KCTD1: variants seen among roughly 807,000 people sequenced by gnomAD.
KCTD1 encodes the protein potassium channel tetramerization domain containing 1.
KCTD1 carries 24 observed loss-of-function variants against 66.0 expected under a neutral mutation model. The observed-to-expected ratio is 0.36, with a 90% confidence interval of 0.26 to 0.51. The LOEUF (loss-of-function observed/expected upper bound fraction) is 0.51, where lower values mean the gene tolerates loss of function less well. Ranked by LOEUF, KCTD1 falls within the 20% of genes least tolerant of loss-of-function variation. The pLI is 0.95. For synonymous variants in KCTD1, 511 were observed against 517.2 expected (o/e 0.99, Z 0.16); for missense variants, 943 against 1,205.2 (o/e 0.78, Z 3.22).
At chr18:26,610,799 T>C (rs1987121678) in intron 1 of KCTD1, among the ~76,000 whole-genome samples, 1 of 152,230 alleles carries the variant, frequency 6.6e-6, no homozygotes, top group Non-Finnish European at 1.5e-5. Flanking sequence ...GGTCTGCTTC[T>C]GGACTCTGAC....
At chr18:26,604,850 T>G (rs894430102) in intron 1 of KCTD1, among the ~76,000 whole-genome samples, 1 of 152,124 alleles carries the variant, frequency 6.6e-6, no homozygotes, top group African/African-American at 2.4e-5. Context: ...AATGAGTTTA[T>G]CTATGTAACA....
chr18:26,476,607 G>A lies in KCTD1; in HGVS notation c.2041C>T (p.Gln681Ter). The change falls in exon 3 of 5, where the codon CAG (glutamine) becomes TAG (stop). Residue 681 changes from glutamine to a stop codon, truncating the protein, a stop_gained. Coordinates refer to ENST00000580059, the MANE Select transcript of KCTD1 (RefSeq NM_001142730.3). LOFTEE classifies it high-confidence loss of function. The surrounding 1 kb of genome is among the most constrained non-coding windows in gnomAD (Gnocchi z 4.9). ...TEPIVLDSLKQHYFIDRDGQM... is the reference protein window; with the variant it reads ...TEPIVLDSLK ...CCATCTCTGTCAATGAAATAGTGCT[G>A]TTTGAGACTGTCCAAAACAATGGGC... The A allele has an allele frequency of 6.2e-7, 1 of 1,613,732 alleles. No homozygotes were observed. The highest frequency in any genetic ancestry group is 1.1e-5 in the South Asian group (1 of 91,000).
intron 2 of KCTD1, among the ~76,000 whole-genome samples, chr18:26,499,017 C>T (rs1982621929): frequency 6.6e-6 from 1 of 152,150 alleles, no homozygotes; most frequent in Non-Finnish European, 1.5e-5. Context: ...GGGAATGAGT[C>T]AGTGGAAGGA....
At chr18:26,519,842 T>C (rs58356101) in intron 1 of KCTD1, among the ~76,000 whole-genome samples, 22,058 of 152,250 alleles carry the variant, frequency 0.14, 2,906 homozygotes, top group African/African-American at 0.35. Context: ...GGAGAGGGAC[T>C]GTGGCTGCTC....
intron 1 of KCTD1, among the ~76,000 whole-genome samples, chr18:26,623,407 G>C (rs1987431957): frequency 1.3e-5 from 2 of 152,152 alleles, no homozygotes; most frequent in South Asian, 4.1e-4. Flanking sequence ...TGTCATGGGA[G>C]GGACTCAGTA....
chr18:26,600,285 A>C (rs1986860819), intron 1 of KCTD1: 2 of 1,606,020 alleles, frequency 1.2e-6, no homozygotes, highest in South Asian at 2.2e-5. Context: ...TTGGGATGCC[A>C]GCCTTCAAAC....
chr18:26,596,891 C>T (rs1598959181), intron 1 of KCTD1, among the ~76,000 whole-genome samples: 3 of 152,282 alleles, frequency 2.0e-5, no homozygotes, highest in East Asian at 1.9e-4. Flanking sequence ...GTTGGAACTG[C>T]TGATGAAAGA....
intron 1 of KCTD1, among the ~76,000 whole-genome samples, chr18:26,636,083 A>C (rs1295787300): frequency 6.6e-6 from 1 of 152,148 alleles, no homozygotes; most frequent in Non-Finnish European, 1.5e-5. Context: ...GACTGAGTTC[A>C]GTCCAACAGC....
chr18:26,603,862 A>G (rs921519511), intron 1 of KCTD1, among the ~76,000 whole-genome samples: 9 of 152,046 alleles, frequency 5.9e-5, no homozygotes, highest in African/African-American at 1.7e-4. Context: ...GGTATCTGAA[A>G]AAGACGTCAA....
chr18:26,490,695 A>G (rs1377296129), intron 2 of KCTD1, among the ~76,000 whole-genome samples: 1 of 152,180 alleles, frequency 6.6e-6, no homozygotes, highest in Non-Finnish European at 1.5e-5. Flanking sequence ...GCTCTGTGCC[A>G]GGCACCGAAG....
intron 1 of KCTD1, among the ~76,000 whole-genome samples, chr18:26,605,868 T>G (rs1212053710): frequency 6.6e-6 from 1 of 152,132 alleles, no homozygotes; most frequent in Non-Finnish European, 1.5e-5. Flanking sequence ...CTGAGACAGG[T>G]CTCAATCAAT....
At chr18:26,463,415 C>CAA (rs60025354) in intron 3 of KCTD1, among the ~76,000 whole-genome samples, 1 of 147,178 alleles carries the variant, frequency 6.8e-6, no homozygotes, top group African/African-American at 2.5e-5. Flanking sequence ...AGACCCATCT[C>CAA]AAAAAAAAAG....
intron 1 of KCTD1, among the ~76,000 whole-genome samples, chr18:26,525,395 T>C (rs1055703935): frequency 6.6e-6 from 1 of 152,220 alleles, no homozygotes. Context: ...GGGATGTGAT[T>C]ACCTTTTGTG....
At chr18:26,588,318 G>A (rs925392858) in intron 1 of KCTD1, among the ~76,000 whole-genome samples, 4 of 151,876 alleles carry the variant, frequency 2.6e-5, no homozygotes, top group Admixed American at 1.3e-4. Flanking sequence ...GGAAGGGAAG[G>A]GAAGGGAAAG....
At chr18:26,592,370 GAA>G (rs1986628517) in intron 1 of KCTD1, among the ~76,000 whole-genome samples, 1 of 152,182 alleles carries the variant, frequency 6.6e-6, no homozygotes, top group Non-Finnish European at 1.5e-5. Context: ...GGAAAAAGAG[GAA>G]AAACTCAGAA....
intron 1 of KCTD1, among the ~76,000 whole-genome samples, chr18:26,584,822 G>A (rs775466554): frequency 6.6e-6 from 1 of 152,136 alleles, no homozygotes; most frequent in Non-Finnish European, 1.5e-5. Context: ...AAAATTGGCA[G>A]GAGTTAACCA....
intron 1 of KCTD1, among the ~76,000 whole-genome samples, chr18:26,542,568 T>C (rs1985024106): frequency 6.6e-6 from 1 of 152,156 alleles, no homozygotes; most frequent in African/African-American, 2.4e-5. Flanking sequence ...AAGTAGGGCT[T>C]TGACTGGCCT....
intron 1 of KCTD1, among the ~76,000 whole-genome samples, chr18:26,654,369 T>TAA (rs1369608203): frequency 2.0e-5 from 3 of 152,240 alleles, no homozygotes; most frequent in Middle Eastern, 3.4e-3. Flanking sequence ...TGGCATAATT[T>TAA]GTACAATGAT....
intron 1 of KCTD1, chr18:26,599,723 A>C: frequency 6.4e-7 from 1 of 1,557,280 alleles, no homozygotes; most frequent in South Asian, 1.1e-5. Context: ...AGATAACAAT[A>C]GCAAAGTGAA....
Sources: gnomAD v4.1 joint callset for allele counts (sites outside exome capture counted in the v4.1 genomes callset) on GRCh38, gnomAD v4.1.1 for gene constraint, Gnocchi (gnomAD v3.1) non-coding constraint, MANE v1.5 for transcripts, NCBI Gene and HGNC (gene_info 2026-07-23, HGNC 2026-07-21) for gene names.